The following MAP1S variants were observed in gnomAD, a reference collection of about 807,000 sequenced individuals.
MAP1S encodes the protein microtubule associated protein 1S.
Under a neutral mutation model 60.9 loss-of-function variants are expected in MAP1S, and 27 were observed. The observed-to-expected ratio is 0.44, with a 90% confidence interval of 0.33 to 0.61. The LOEUF is 0.61. Ranked by LOEUF, MAP1S falls within the 20% of genes least tolerant of loss-of-function variation. MAP1S has a pLI of 0.03. For synonymous variants in MAP1S, 826 were observed against 694.2 expected (o/e 1.19, Z -2.98); for missense variants, 1,608 against 1,486.6 (o/e 1.08, Z -1.34).
rs3826968 is a variant in MAP1S, at chr19:17,727,427, A to G, written c.2043A>G (p.Ser681=). 848 of 1,601,234 alleles carry G rather than the reference A, an allele frequency of 5.3e-4. 7 individuals are homozygous for G. The East Asian group carries it at 0.018, about 33-fold the overall frequency. Residue 681 remains serine, a synonymous_variant, in exon 5 of 7, where the codon TCA becomes TCG. Transcript: ENST00000324096. This position sits in a 1 kb window ranked among gnomAD's most constrained non-coding sequence, Gnocchi z 4.1. ...TVTTPTVTTP[S]LPAEVGSPHS... is the part of the protein sequence containing the mutation. ...CCACACCCACGGTGACCACGCCCTC[A>G]CTACCCGCAGAGGTGGGCTCCCCGC...
intron 5 of MAP1S, among the ~76,000 whole-genome samples, chr19:17,729,203 C>G (rs2080471246): frequency 6.6e-6 from 1 of 152,196 alleles, no homozygotes; most frequent in Non-Finnish European, 1.5e-5. Flanking sequence ...TGGGGCTGCA[C>G]ACCACAGGCT....
intron 5 of MAP1S, 137 bp from the exon 6 acceptor site, chr19:17,733,056 G>C: frequency 1.7e-6 from 1 of 600,030 alleles, no homozygotes; most frequent in Non-Finnish European, 2.9e-6. Context: ...GAGCGCACCA[G>C]GCCTCCCCAG....
In MAP1S at chr19:17,727,039, A is replaced by G; in HGVS notation, c.1655A>G (p.Lys552Arg). 1.2e-6 allele frequency: 2 copies of G among 1,605,794 alleles called. No individual in the cohort carries two copies. Among genetic ancestry groups the G allele is most frequent in the South Asian group, 1.1e-5 (1 of 89,810 alleles). ...GCAGCCTCTTCTGTGCCCAACCTCA[A>G]GAAGACGAATGCCCAGGCGGCACCC... is the stretch of plus-strand genomic sequence containing the variant. ...RRAASSVPNL[K>R]KTNAQAAPKP... Residue 552 changes from lysine to arginine, a missense_variant, in exon 5 of 7, where the codon AAG becomes AGG. Coordinates refer to ENST00000324096, the MANE Select transcript of MAP1S (RefSeq NM_018174.6). This position sits in a 1 kb window ranked among gnomAD's most constrained non-coding sequence, Gnocchi z 4.1.
Position 17,733,290 on chromosome 19 carries a change from G to A in MAP1S, c.2886G>A (p.Leu962=). The change falls in exon 6 of 7, where the codon CTG becomes CTA. Residue 962 remains leucine (L), a synonymous_variant. Transcript: ENST00000324096. Reference sequence around the variant, plus strand: ...TGCCCAGCGGGAGCAGCGCCCACCTGGTGGATGAGGAGTTCTTCCAGCGCG... The same window carrying A: ...TGCCCAGCGGGAGCAGCGCCCACCTAGTGGATGAGGAGTTCTTCCAGCGCG... ...AYLPSGSSAH[L]VDEEFFQRVR... is the part of the protein sequence containing the mutation. 1 of 1,582,464 alleles carries A rather than the reference G, an allele frequency of 6.3e-7. No individual in the cohort carries two copies.
chr19:17,729,885 A>G (rs1291288859), intron 5 of MAP1S, among the ~76,000 whole-genome samples: 2 of 151,764 alleles, frequency 1.3e-5, no homozygotes, highest in Non-Finnish European at 2.9e-5. Context: ...CCGGTCTCGA[A>G]CTCCTGGCCT....
intron 1 of MAP1S, 197 bp from the exon 2 acceptor site, chr19:17,720,739 A>G (rs555920953): frequency 1.3e-4 from 79 of 624,996 alleles, no homozygotes; most frequent in Middle Eastern, 4.3e-4. Context: ...TCTTGTGTGT[A>G]AAATGATGAG....
At position 17,723,633 on chromosome 19, in the gene MAP1S, G is replaced by A. The variant is rs182781582; in HGVS notation, c.221-493G>A. Among the ~76,000 whole-genome samples the A allele has an allele frequency of 1.3e-4, 20 of 152,114 alleles. 1 individual carries two copies. In the East Asian group the frequency reaches 3.3e-3, roughly 25 times the overall value. ...TGGGAGGCCGAGGCAGGCGGATCAC[G>A]AGGTCAGGATATGGAGACTATCCTG... On this transcript the variant is annotated intron_variant, in intron 2 of 6. Transcript: ENST00000324096.
At chr19:17,732,932 G>T in intron 5 of MAP1S, 1 of 507,870 alleles carries the variant, frequency 2.0e-6, no homozygotes, top group Non-Finnish European at 3.5e-6. Flanking sequence ...TGCACCTGTA[G>T]TCCCATCTAC....
chr19:17,734,158 A>C (rs1156421110), intron 6 of MAP1S, 115 bp from the exon 7 acceptor site: 1 of 826,164 alleles, frequency 1.2e-6, no homozygotes, highest in Non-Finnish European at 1.9e-6. Context: ...GGGAAAAGCC[A>C]GGAGGGGTCT....
chr19:17,724,477 G>A (rs968446268), intron 3 of MAP1S, among the ~76,000 whole-genome samples: 6 of 152,158 alleles, frequency 3.9e-5, no homozygotes, highest in African/African-American at 1.4e-4. Flanking sequence ...CTGGAGGTGG[G>A]AAGGCCAGAG....
intron 5 of MAP1S, among the ~76,000 whole-genome samples, chr19:17,732,420 C>T (rs1014494923): frequency 2.0e-5 from 3 of 152,192 alleles, no homozygotes; most frequent in Non-Finnish European, 4.4e-5. Flanking sequence ...CAGCCGTATC[C>T]TTTCATTTCA....
At chr19:17,728,228 C>T in intron 5 of MAP1S, 56 bp downstream of exon 5, 1 of 1,486,910 alleles carries the variant, frequency 6.7e-7, no homozygotes, top group Non-Finnish European at 9.0e-7. Context: ...GGCTGGAGAG[C>T]ATAGCTCGTC....
rs1388052322 is a variant in MAP1S, at chr19:17,720,920, C to T, written c.119-16C>T. ...GGCCCGGCTGAACTCCCGCCTTGAT[C>T]CCTCCTTCCCACCAGGCATCCGGTC... On this transcript the variant is annotated splice_polypyrimidine_tract_variant and intron_variant, in intron 1 of 6. Transcript: ENST00000324096. The T allele has an allele frequency of 1.2e-6, 2 of 1,601,896 alleles. No individual in the cohort carries two copies. Among genetic ancestry groups the T allele is most frequent in the Non-Finnish European group, 1.7e-6 (2 of 1,168,950 alleles).
chr19:17,729,652 C>T (rs767094797), intron 5 of MAP1S, among the ~76,000 whole-genome samples: 2 of 151,826 alleles, frequency 1.3e-5, no homozygotes, highest in Non-Finnish European at 2.9e-5. Flanking sequence ...ACCACAGACA[C>T]GCACCATAAC....
chr19:17,733,525 C>T, intron 6 of MAP1S, 97 bp downstream of exon 6: 1 of 1,030,996 alleles, frequency 9.7e-7, no homozygotes, highest in Non-Finnish European at 1.4e-6. Flanking sequence ...TTCCCCAGGC[C>T]ACACGGGAAT....
chr19:17,727,076 A>G lies in MAP1S; in HGVS notation c.1692A>G (p.Lys564=), dbSNP rs1315777657. The change falls in exon 5 of 7, where the codon AAA becomes AAG. Residue 564 remains lysine, a synonymous_variant. Coordinates refer to ENST00000324096, the MANE Select transcript of MAP1S (RefSeq NM_018174.6). This position sits in a 1 kb window ranked among gnomAD's most constrained non-coding sequence, Gnocchi z 4.1. ...TNAQAAPKPR[K]APSTSHSGFP... ...CCCAGGCGGCACCCAAGCCCCGCAAAGCGCCCAGCACGTCCCACTCTGGCT... is the reference window on the plus strand; with the variant it reads ...CCCAGGCGGCACCCAAGCCCCGCAAGGCGCCCAGCACGTCCCACTCTGGCT... 1.7e-5 allele frequency: 28 copies of G among 1,606,282 alleles called. No individual in the cohort carries two copies. Among genetic ancestry groups the G allele is most frequent in the Non-Finnish European group, 2.2e-5 (26 of 1,177,786 alleles).
intron 3 of MAP1S, among the ~76,000 whole-genome samples, chr19:17,724,806 G>C (rs1229348390): frequency 6.6e-6 from 1 of 152,194 alleles, no homozygotes; most frequent in Non-Finnish European, 1.5e-5. Flanking sequence ...AGGGCAAGTA[G>C]TGCCTTCAGG....
intron 5 of MAP1S, among the ~76,000 whole-genome samples, chr19:17,732,231 C>T (rs2080499236): frequency 6.6e-6 from 1 of 152,132 alleles, no homozygotes; most frequent in Non-Finnish European, 1.5e-5. Context: ...CAGGTATGTG[C>T]TGATTTTCTA....
intron 1 of MAP1S, chr19:17,720,086 C>T: frequency 1.7e-6 from 2 of 1,163,796 alleles, no homozygotes; most frequent in South Asian, 5.9e-5. Context: ...TTTCTGTTGC[C>T]TCACAAGGAG....
Sources: gnomAD v4.1 joint callset for allele counts (sites outside exome capture counted in the v4.1 genomes callset) on GRCh38, gnomAD v4.1.1 for gene constraint, Gnocchi (gnomAD v3.1) non-coding constraint, MANE v1.5 for transcripts, NCBI Gene and HGNC (gene_info 2026-07-23, HGNC 2026-07-21) for gene names.